The following OR4C11 variants were observed in gnomAD, a reference collection of about 807,000 sequenced individuals.
OR4C11 encodes the protein olfactory receptor family 4 subfamily C member 11, also known as olfactory receptor 4C11.
In OR4C11, 15 loss-of-function variants were observed where a neutral mutation model predicts 14.7. The observed-to-expected ratio is 1.02, with a 90% CI of 0.68 to 1.58. OR4C11 has a LOEUF of 1.58. Ranked by LOEUF, OR4C11 falls within the 40% of genes most tolerant of loss-of-function variation. OR4C11 has a pLI of 0.00. For synonymous variants in OR4C11, 146 were observed against 135.0 expected (o/e 1.08, Z -0.57); for missense variants, 473 against 383.0 (o/e 1.24, Z -1.96).
At chr11:55,604,737 G>T (rs1220841634) in intron 3 of OR4C11, among the ~76,000 whole-genome samples, 2 of 138,008 alleles carry the variant, frequency 1.4e-5, no homozygotes, top group Non-Finnish European at 3.2e-5. Flanking sequence ...TAGGGGTTTG[G>T]TATGAGTAGG....
Position 55,603,425 on chromosome 11 carries a change from A to T in OR4C11, c.*16T>A. On this transcript the variant is annotated 3_prime_UTR_variant, in exon 4 of 4. Transcript: ENST00000641580. ...TCATGATTTGACTGAAAAAGTAATC[A>T]GGTCAGGCCCTCAATTTATCCTTTG... The T allele has an allele frequency of 8.2e-7, 1 of 1,216,474 alleles. No individual in the cohort carries two copies. The highest frequency in any genetic ancestry group is 1.5e-5 in the South Asian group (1 of 66,758). The allele number at this position is 1,216,474 out of a possible 1,614,324, so 75.4% of individuals were successfully genotyped here. A position where few individuals can be genotyped will look rare whatever the true frequency, so the allele number is the denominator to read the frequency against.
Position 55,606,682 on chromosome 11 carries a change from G to T in OR4C11, c.-364-3C>A, listed in dbSNP as rs1429098156. 2 of 138,048 alleles carry T rather than the reference G, an allele frequency of 1.4e-5. 1 individual carries two copies. The highest frequency in any genetic ancestry group is 5.0e-5 in the African/African-American group (2 of 39,780). The allele number at this position is 138,048 out of a possible 1,614,324, so 8.6% of individuals were successfully genotyped here. A position where few individuals can be genotyped will look rare whatever the true frequency, so the allele number is the denominator to read the frequency against. ...CAGTAGTGTTGAAACTCAGGGCTCT[G>T]TAAATACAACATATGCAGACACACT... On this transcript the variant is annotated splice_region_variant and splice_polypyrimidine_tract_variant and intron_variant, in intron 1 of 3. Coordinates refer to ENST00000641580, the MANE Select transcript of OR4C11 (RefSeq NM_001004700.3).
rs1169107029 is a variant in OR4C11 at position 55,605,204 on chromosome 11, T to C, written c.-123A>G. ...CTTTGTACTGCTTTGTTATACTGTG[T>C]TGTCCAAAGTTAAATTCGTCCATCT... is the stretch of plus-strand genomic sequence containing the variant. On this transcript the variant is annotated 5_prime_UTR_variant, in exon 3 of 4. Transcript: ENST00000641580. 1 of 139,014 alleles carries C rather than the reference T, an allele frequency of 7.2e-6. No individual in the cohort carries two copies. Among genetic ancestry groups the C allele is most frequent in the African/African-American group, 2.5e-5 (1 of 40,014 alleles). The allele number at this position is 139,014 out of a possible 1,614,324, so 8.6% of individuals were successfully genotyped here. A position where few individuals can be genotyped will look rare whatever the true frequency, so the allele number is the denominator to read the frequency against.
rs1024643970 is a variant in OR4C11 at position 55,604,114 on chromosome 11, T to C, written c.260A>G (p.Lys87Arg). 5 of 1,481,692 alleles carry C rather than the reference T, an allele frequency of 3.4e-6. 2 individuals carry two copies. The Admixed American group carries it at 1.0e-4, about 30-fold the overall frequency. 91.8% of individuals were successfully genotyped at this position (1,481,692 alleles called of 1,614,324 possible). Residue 87 changes from lysine to arginine, a missense_variant, in exon 4 of 4, where the codon AAG becomes AGG. Transcript: ENST00000641580. ...GCACTCATTGTAGGTTATAATTTTC[T>C]TTTCAGAGAGAGCATCCACAATTAA... ...PRLIVDALSE[K>R]KIITYNECMT...
In OR4C11 at chr11:55,603,754, C is replaced by T. The variant is rs139105972; in HGVS notation, c.620G>A (p.Ser207Asn). ...TGAAATTATCAAAATCATGAAACTACTTGAGCAAATTGCCCCACTGTTAGA... is the reference window on the plus strand; with the variant it reads ...TGAAATTATCAAAATCATGAAACTATTTGAGCAAATTGCCCCACTGTTAGA... ...LVSNSGAICS[S>N]SFMILIISYI... Residue 207 changes from serine (S) to asparagine (N), a missense_variant, in exon 4 of 4, where the codon AGT (serine) becomes AAT (asparagine). By Grantham distance (46) the Ser-to-Asn change is conservative (BLOSUM62 1). Coordinates refer to ENST00000641580, the MANE Select transcript of OR4C11 (RefSeq NM_001004700.3). 3 of 1,491,086 alleles carry T rather than the reference C, an allele frequency of 2.0e-6. No homozygotes were observed. Among genetic ancestry groups the T allele is most frequent in the African/African-American group, 1.4e-5 (1 of 72,826 alleles). The allele number at this position is 1,491,086 out of a possible 1,614,324, so 92.4% of individuals were successfully genotyped here. A position where few individuals can be genotyped will look rare whatever the true frequency, so the allele number is the denominator to read the frequency against.
rs1404531275 is a variant in OR4C11 at position 55,606,696 on chromosome 11, T to A, written c.-364-17A>T. 1.4e-5 allele frequency: 2 copies of A among 138,224 alleles called. 1 individual carries two copies. Among genetic ancestry groups the A allele is most frequent in the Admixed American group, 1.6e-4 (2 of 12,654 alleles). The allele number at this position is 138,224 out of a possible 1,614,324, so 8.6% of individuals were successfully genotyped here. A position where few individuals can be genotyped will look rare whatever the true frequency, so the allele number is the denominator to read the frequency against. ...CTCAGGGCTCTGTAAATACAACATA[T>A]GCAGACACACTGTCACTAACTGGAG... is the stretch of plus-strand genomic sequence containing the variant. On this transcript the variant is annotated splice_polypyrimidine_tract_variant and intron_variant, in intron 1 of 3. Coordinates refer to ENST00000641580, the MANE Select transcript of OR4C11 (RefSeq NM_001004700.3).
chr11:55,603,777 A>G lies in OR4C11; in HGVS notation c.597T>C (p.Ser199=). 7 of 1,486,242 alleles carry G rather than the reference A, an allele frequency of 4.7e-6. 1 individual carries two copies. The highest frequency in any genetic ancestry group is 1.4e-5 in the African/African-American group (1 of 72,790). 92.1% of individuals were successfully genotyped at this position (1,486,242 alleles called of 1,614,324 possible). Reference sequence around the variant, plus strand: ...TACTTGAGCAAATTGCCCCACTGTTAGACACCAACAGCAGGTTGATCATGT... The same window carrying G: ...TACTTGAGCAAATTGCCCCACTGTTGGACACCAACAGCAGGTTGATCATGT... ...DTYMINLLLV[S]NSGAICSSSF... Residue 199 remains serine (S), a synonymous_variant, in exon 4 of 4, where the codon TCT becomes TCC. Coordinates refer to ENST00000641580, the MANE Select transcript of OR4C11 (RefSeq NM_001004700.3).
In OR4C11 at chr11:55,602,607, T is replaced by C. The variant is rs565575564; in HGVS notation, c.*834A>G. The C allele has an allele frequency of 7.2e-6, 1 of 138,180 alleles. No homozygotes were observed. The highest frequency in any genetic ancestry group is 2.4e-4 in the South Asian group (1 of 4,252). 8.6% of individuals were successfully genotyped at this position (138,180 alleles called of 1,614,324 possible). A position where few individuals can be genotyped will look rare whatever the true frequency, so the allele number is the denominator to read the frequency against. ...AGGGAGAACCCACTAGAGACAAGTG[T>C]CCTGAGTGTTTTCTGAATTCCTGTG... On this transcript the variant is annotated 3_prime_UTR_variant, in exon 4 of 4. Coordinates refer to ENST00000641580, the MANE Select transcript of OR4C11 (RefSeq NM_001004700.3).
rs1857918588 is a variant in OR4C11, at chr11:55,603,801, G to C, written c.573C>G (p.Tyr191Ter). The change falls in exon 4 of 4, where the codon TAC (tyrosine) becomes TAG (stop). Residue 191 changes from tyrosine (Y) to a stop codon, truncating the protein, a stop_gained. Coordinates refer to ENST00000641580, the MANE Select transcript of OR4C11 (RefSeq NM_001004700.3). LOFTEE classifies it high-confidence loss of function. Reference sequence around the variant, plus strand: ...TAGACACCAACAGCAGGTTGATCATGTAAGTGTCCATGCAGGCAAGTTTCA... The same window carrying C: ...TAGACACCAACAGCAGGTTGATCATCTAAGTGTCCATGCAGGCAAGTTTCA... ...PLLKLACMDT[Y>*]MINLLLVSNS... The C allele has an allele frequency of 1.3e-6, 2 of 1,487,574 alleles. 1 individual carries two copies. The highest frequency in any genetic ancestry group is 1.8e-6 in the Non-Finnish European group (2 of 1,093,132). The allele number at this position is 1,487,574 out of a possible 1,614,324, so 92.1% of individuals were successfully genotyped here.
At chr11:55,605,086 A>C (rs1276514524) in intron 3 of OR4C11, 40 bp downstream of exon 3, 9 of 138,810 alleles carry the variant, frequency 6.5e-5, no homozygotes, top group African/African-American at 2.0e-4. Flanking sequence ...GAATTATTTT[A>C]ACCTCTTGCC....
In OR4C11 at chr11:55,603,837, C is replaced by T. The variant is rs61735721; in HGVS notation, c.537G>A (p.Leu179=). ...PYLIDHYCCD[L]QPLLKLACMD... ...TGCAGGCAAGTTTCAACAAGGGCTG[C>T]AAATCACAGCAATAATGATCAATCA... The change falls in exon 4 of 4, where the codon TTG becomes TTA. Residue 179 remains leucine (L), a synonymous_variant. Transcript: ENST00000641580. 4.0e-6 allele frequency: 6 copies of T among 1,491,532 alleles called. 2 individuals carry two copies. In the South Asian group the frequency reaches 4.7e-5, roughly 12 times the overall value. The allele number at this position is 1,491,532 out of a possible 1,614,324, so 92.4% of individuals were successfully genotyped here.
At position 55,603,633 on chromosome 11, in the gene OR4C11, T is replaced by G; in HGVS notation, c.741A>C (p.Leu247Phe). 2 of 1,486,252 alleles carry G rather than the reference T, an allele frequency of 1.3e-6. 1 individual carries two copies. The allele number at this position is 1,486,252 out of a possible 1,614,324, so 92.1% of individuals were successfully genotyped here. The change falls in exon 4 of 4, where the codon TTA (leucine) becomes TTC (phenylalanine). Residue 247 changes from leucine to phenylalanine, a missense_variant. Transcript: ENST00000641580. ...ACTSHIIVVILFFGPCIFIYT... is the reference protein window; with the variant it reads ...ACTSHIIVVIFFFGPCIFIYT... ...ATATGAATATACATGGGCCAAAGAATAAGATGACTACAATTATGTGAGACG... is the reference window on the plus strand; with the variant it reads ...ATATGAATATACATGGGCCAAAGAAGAAGATGACTACAATTATGTGAGACG...
chr11:55,603,978 G>T lies in OR4C11; in HGVS notation c.396C>A (p.Thr132=). ...TGATGCAGACCTGCTGGCTCATGAT[G>T]GTTGGGTAACGCAAGGGCTTACAGA... ...VAICKPLRYP[T]IMSQQVCIIL... is the part of the protein sequence containing the mutation. The change falls in exon 4 of 4, where the codon ACC becomes ACA. Residue 132 remains threonine, a synonymous_variant. Transcript: ENST00000641580. 2.0e-6 allele frequency: 3 copies of T among 1,490,180 alleles called. 1 individual carries two copies. The highest frequency in any genetic ancestry group is 2.7e-6 in the Non-Finnish European group (3 of 1,096,538). The allele number at this position is 1,490,180 out of a possible 1,614,324, so 92.3% of individuals were successfully genotyped here. A position where few individuals can be genotyped will look rare whatever the true frequency, so the allele number is the denominator to read the frequency against.
intron 1 of OR4C11, 141 bp downstream of exon 1, chr11:55,607,146 C>A (rs1353405523): frequency 7.2e-6 from 1 of 137,962 alleles, no homozygotes; most frequent in South Asian, 2.4e-4. Flanking sequence ...TCCTGGAACA[C>A]CCCAATAGAT....
rs374286373 is a variant in OR4C11 at position 55,604,070 on chromosome 11, G to C, written c.304C>G (p.Leu102Val). 9.4e-6 allele frequency: 14 copies of C among 1,488,130 alleles called. 6 individuals are homozygous for C. Among genetic ancestry groups the C allele is most frequent in the Non-Finnish European group, 1.1e-5 (12 of 1,093,406 alleles). The allele number at this position is 1,488,130 out of a possible 1,614,324, so 92.2% of individuals were successfully genotyped here. The change falls in exon 4 of 4, where the codon CTA (leucine) becomes GTA (valine). Residue 102 changes from leucine to valine, a missense_variant. Leu to Val is a conservative substitution (Grantham distance 32, BLOSUM62 1). Coordinates refer to ENST00000641580, the MANE Select transcript of OR4C11 (RefSeq NM_001004700.3). ...YNECMTQVFA[L>V]HLFGCMEIFV... ...ATCTCCATGCAGCCAAATAAATGTA[G>C]TGCAAAGACTTGTGTCATGCACTCA...
rs1474762365 is a variant in OR4C11 at position 55,602,495 on chromosome 11, T to C, written c.*946A>G. Reference sequence around the variant, plus strand: ...TGGGCATGAAAATTCCATTGCCAATTCTAACTTGTGATTCTATGCAGCCCC... The same window carrying C: ...TGGGCATGAAAATTCCATTGCCAATCCTAACTTGTGATTCTATGCAGCCCC... On this transcript the variant is annotated 3_prime_UTR_variant, in exon 4 of 4. Coordinates refer to ENST00000641580, the MANE Select transcript of OR4C11 (RefSeq NM_001004700.3). 1 of 138,028 alleles carries C rather than the reference T, an allele frequency of 7.2e-6. No homozygotes were observed. Among genetic ancestry groups the C allele is most frequent in the African/African-American group, 2.5e-5 (1 of 39,834 alleles). 8.6% of individuals were successfully genotyped at this position (138,028 alleles called of 1,614,324 possible). A position where few individuals can be genotyped will look rare whatever the true frequency, so the allele number is the denominator to read the frequency against.
chr11:55,605,470 A>C (rs183840981), intron 2 of OR4C11, among the ~76,000 whole-genome samples, 183 bp from the exon 3 acceptor site: 2 of 138,702 alleles, frequency 1.4e-5, no homozygotes, highest in East Asian at 2.3e-4. Flanking sequence ...TCCTGACTTC[A>C]AGAAAGAGAA....
chr11:55,604,209 G>C lies in OR4C11; in HGVS notation c.165C>G (p.Ser55Arg). Reference protein sequence around the residue: ...VTIKSSRTLGSPMYFFLFYLS... With the variant: ...VTIKSSRTLGRPMYFFLFYLS... ...AATAAAATAGAAAGAAGTACATGGGGCTTCCTAGTGTCCGGCTGGACTTGA... is the reference window on the plus strand; with the variant it reads ...AATAAAATAGAAAGAAGTACATGGGCCTTCCTAGTGTCCGGCTGGACTTGA... Residue 55 changes from serine (S) to arginine (R), a missense_variant, in exon 4 of 4, where the codon AGC becomes AGG. Ser to Arg is a moderately radical substitution (Grantham distance 110). Coordinates refer to ENST00000641580, the MANE Select transcript of OR4C11 (RefSeq NM_001004700.3). The C allele has an allele frequency of 2.7e-6, 4 of 1,482,010 alleles. 1 individual carries two copies. The highest frequency in any genetic ancestry group is 3.7e-6 in the Non-Finnish European group (4 of 1,088,734). 91.8% of individuals were successfully genotyped at this position (1,482,010 alleles called of 1,614,324 possible).
chr11:55,605,477 A>G (rs1857949132), intron 2 of OR4C11, among the ~76,000 whole-genome samples, 190 bp from the exon 3 acceptor site: 1 of 138,402 alleles, frequency 7.2e-6, no homozygotes, highest in South Asian at 2.3e-4. Context: ...TTCAAGAAAG[A>G]GAAGTTAAAT....
Sources: gnomAD v4.1 joint callset for allele counts (sites outside exome capture counted in the v4.1 genomes callset) on GRCh38, gnomAD v4.1.1 for gene constraint, MANE v1.5 for transcripts, NCBI Gene and HGNC (gene_info 2026-07-23, HGNC 2026-07-21) for gene names.